Variants in STRBP observed in about 807,000 individuals in gnomAD.
STRBP encodes spermatid perinuclear RNA-binding protein.
Under a neutral mutation model 80.1 loss-of-function variants are expected in STRBP, and 13 were observed. The ratio of observed to expected loss-of-function variants is 0.16; its 90% CI spans 0.11 to 0.26. The LOEUF (loss-of-function observed/expected upper bound fraction) is 0.26, where lower values mean the gene tolerates loss of function less well. Ranked by LOEUF, STRBP falls within the 10% of genes least tolerant of loss-of-function variation. The pLI, the probability that STRBP is intolerant of heterozygous loss-of-function variation, is 1.00. For missense variants in STRBP, 485 were observed against 815.2 expected (o/e 0.59, Z 4.93); for synonymous variants, 284 against 291.2 (o/e 0.98, Z 0.25).
At chr9:123,179,352 A>C in intron 3 of STRBP, 125 bp from the exon 4 acceptor site, 2 of 736,720 alleles carry the variant, frequency 2.7e-6, no homozygotes, top group Admixed American at 5.9e-5. Flanking sequence ...GTTAATACTG[A>C]AACAAGAAAA....
intron 1 of STRBP, among the ~76,000 whole-genome samples, chr9:123,248,730 T>C (rs1304760160): frequency 6.6e-6 from 1 of 152,236 alleles, no homozygotes; most frequent in African/African-American, 2.4e-5. Flanking sequence ...TAACCTGATG[T>C]AATGATTACC....
chr9:123,224,976 T>A (rs747909367), intron 2 of STRBP, among the ~76,000 whole-genome samples: 3 of 152,176 alleles, frequency 2.0e-5, no homozygotes, highest in Non-Finnish European at 2.9e-5. Context: ...CCATCAATAG[T>A]ACAATGGATA....
chr9:123,140,640 A>C (rs578055381), intron 13 of STRBP, among the ~76,000 whole-genome samples: 4 of 152,176 alleles, frequency 2.6e-5, no homozygotes, highest in African/African-American at 9.6e-5. Context: ...AAAAAACAAG[A>C]TTCAGTCTCT....
At chr9:123,189,631 G>A in intron 2 of STRBP, among the ~76,000 whole-genome samples, 1 of 151,958 alleles carries the variant, frequency 6.6e-6, no homozygotes, top group African/African-American at 2.4e-5. Context: ...CTCACTCATA[G>A]GTGGGAATTG....
At chr9:123,265,534 G>C (rs2041248670) in intron 1 of STRBP, among the ~76,000 whole-genome samples, 1 of 152,106 alleles carries the variant, frequency 6.6e-6, no homozygotes, top group South Asian at 2.1e-4. Context: ...CTGTCAAAAG[G>C]GAAATCGTTT....
chr9:123,254,489 A>G (rs1362097916), intron 1 of STRBP, among the ~76,000 whole-genome samples: 1 of 151,612 alleles, frequency 6.6e-6, no homozygotes, highest in Non-Finnish European at 1.5e-5. Flanking sequence ...AGAAAGAACA[A>G]AAAAGAAATC....
At chr9:123,135,241 T>C (rs1455486383) in intron 16 of STRBP, among the ~76,000 whole-genome samples, 1 of 152,216 alleles carries the variant, frequency 6.6e-6, no homozygotes, top group East Asian at 1.9e-4. Flanking sequence ...GGAATCTAAA[T>C]ATAATGTTTA....
At chr9:123,116,272 A>G (rs1252947109) in intron 2 of STRBP, among the ~76,000 whole-genome samples, 1 of 152,162 alleles carries the variant, frequency 6.6e-6, no homozygotes, top group Non-Finnish European at 1.5e-5. Flanking sequence ...TGTGGCCAAA[A>G]ACCAAAGTGT....
In STRBP at chr9:123,121,840, A is replaced by G. The variant is rs1286085066; in HGVS notation, c.*3757T>C. ...GAAATTCCACTGCTTTGGCCAAAAGAGTGCCCTGTCATTAAAATCTTCTTA... is the reference window on the plus strand; with the variant it reads ...GAAATTCCACTGCTTTGGCCAAAAGGGTGCCCTGTCATTAAAATCTTCTTA... On this transcript the variant is annotated 3_prime_UTR_variant, in exon 19 of 19. Transcript: ENST00000348403. 6.5e-6 allele frequency: 1 copy of G among 152,696 alleles called. No homozygotes were observed. The highest frequency in any genetic ancestry group is 2.4e-5 in the African/African-American group (1 of 41,408). 9.5% of individuals were successfully genotyped at this position (152,696 alleles called of 1,614,324 possible). A position where few individuals can be genotyped will look rare whatever the true frequency, so the allele number is the denominator to read the frequency against.
At chr9:123,151,028 C>T (rs1040590025) in intron 11 of STRBP, among the ~76,000 whole-genome samples, 1 of 152,148 alleles carries the variant, frequency 6.6e-6, no homozygotes, top group Non-Finnish European at 1.5e-5. Context: ...TCTACAATTT[C>T]TTATTTTAAA....
At chr9:123,150,843 C>T (rs906443741) in intron 11 of STRBP, among the ~76,000 whole-genome samples, 13 of 152,092 alleles carry the variant, frequency 8.5e-5, no homozygotes, top group African/African-American at 3.1e-4. Context: ...GTAAGATGAA[C>T]GGGAAATATT....
rs75808338 is a variant in STRBP at position 123,225,650 on chromosome 9, C to T, written c.-165+11180G>A. On this transcript the variant is annotated intron_variant, in intron 2 of 18. Coordinates refer to ENST00000348403, the MANE Select transcript of STRBP (RefSeq NM_018387.5). ...CCAGTTTCCAGAGACAGTAATTCTACCTACAGTGTCTAGCACCCCCTGATG... is the reference window on the plus strand; with the variant it reads ...CCAGTTTCCAGAGACAGTAATTCTATCTACAGTGTCTAGCACCCCCTGATG... 5.5e-3 allele frequency among the ~76,000 whole-genome samples: 833 copies of T among 152,278 alleles called. 9 individuals carry two copies. Among genetic ancestry groups the T allele is most frequent in the Middle Eastern group, 0.01 (3 of 294 alleles).
intron 6 of STRBP, among the ~76,000 whole-genome samples, chr9:123,164,235 T>C (rs1024761540): frequency 3.9e-5 from 6 of 152,038 alleles, no homozygotes; most frequent in Non-Finnish European, 7.4e-5. Flanking sequence ...TTAGTAGAGA[T>C]GGGGTTTCAC....
At chr9:123,259,305 G>A (rs1037861256) in intron 1 of STRBP, among the ~76,000 whole-genome samples, 17 of 152,166 alleles carry the variant, frequency 1.1e-4, no homozygotes, top group South Asian at 4.1e-4. Context: ...AAAGGGACAC[G>A]GGGAAGAGGA....
intron 1 of STRBP, among the ~76,000 whole-genome samples, chr9:123,264,886 A>G (rs1035393198): frequency 9.4e-4 from 143 of 152,180 alleles, no homozygotes; most frequent in African/African-American, 3.3e-3. Context: ...AATGAACACA[A>G]TGGACTTAAG....
At chr9:123,263,619 C>A (rs933697679) in intron 1 of STRBP, among the ~76,000 whole-genome samples, 1 of 150,932 alleles carries the variant, frequency 6.6e-6, no homozygotes, top group African/African-American at 2.4e-5. Context: ...AACTTGTAAA[C>A]CAAACACAAC....
At chr9:123,158,301 A>G (rs372450510) in intron 10 of STRBP, 31 bp downstream of exon 10, 56 of 1,603,524 alleles carry the variant, frequency 3.5e-5, no homozygotes, top group Non-Finnish European at 4.6e-5. Context: ...TATTTCACTA[A>G]TAAGTCAGAG....
chr9:123,158,235 C>T, intron 10 of STRBP, 97 bp downstream of exon 10: 1 of 1,492,210 alleles, frequency 6.7e-7, no homozygotes, highest in Non-Finnish European at 9.3e-7. Flanking sequence ...AGCAGAAGTC[C>T]CTAACAACAC....
intron 2 of STRBP, among the ~76,000 whole-genome samples, chr9:123,225,842 A>G (rs1484626768): frequency 2.4e-4 from 36 of 152,178 alleles, no homozygotes; most frequent in Admixed American, 2.4e-3. Context: ...AGTCTTGACT[A>G]TTACCCCATT....
Sources: gnomAD v4.1 joint callset for allele counts (sites outside exome capture counted in the v4.1 genomes callset) on GRCh38, gnomAD v4.1.1 for gene constraint, MANE v1.5 for transcripts, NCBI Gene and HGNC (gene_info 2026-07-23, HGNC 2026-07-21) for gene names.